KIDINS220: variants seen among roughly 807,000 people sequenced by gnomAD.
The protein encoded by KIDINS220 is kinase D interacting substrate 220.
In KIDINS220, 63 loss-of-function variants were observed where a neutral mutation model predicts 157.6. The observed-to-expected ratio is 0.40, with a 90% CI of 0.33 to 0.49. The LOEUF (loss-of-function observed/expected upper bound fraction) is 0.49. Ranked by LOEUF, KIDINS220 falls within the 20% of genes least tolerant of loss-of-function variation. The pLI is 0.66. For synonymous variants in KIDINS220, 732 were observed against 783.6 expected (o/e 0.93, Z 1.10); for missense variants, 1,772 against 2,171.2 (o/e 0.82, Z 3.65).
At chr2:8,754,128 G>T (rs569432083) in intron 22 of KIDINS220, among the ~76,000 whole-genome samples, 1 of 152,182 alleles carries the variant, frequency 6.6e-6, no homozygotes, top group Non-Finnish European at 1.5e-5. Flanking sequence ...AAGCTAGAAA[G>T]ATTTAGATAA....
At chr2:8,800,371 G>A (rs778667677) in intron 9 of KIDINS220, 29 bp downstream of exon 9, 2 of 1,408,288 alleles carry the variant, frequency 1.4e-6, no homozygotes, top group Admixed American at 1.9e-5. Context: ...TATACTCTAA[G>A]ATAGCAACTG....
intron 1 of KIDINS220, among the ~76,000 whole-genome samples, chr2:8,829,703 T>C (rs993766270): frequency 5.3e-5 from 8 of 152,068 alleles, no homozygotes; most frequent in Non-Finnish European, 1.2e-4. Flanking sequence ...ATACTGGAAA[T>C]AAAAAAAGAA....
intron 22 of KIDINS220, among the ~76,000 whole-genome samples, chr2:8,767,889 A>G (rs78006553): frequency 2.2e-3 from 336 of 152,360 alleles, no homozygotes; most frequent in African/African-American, 7.9e-3. Flanking sequence ...TGCTACTTCA[A>G]TGAAATGGAA....
intron 14 of KIDINS220, 143 bp from the exon 15 acceptor site, chr2:8,788,955 G>T (rs1242738454): frequency 6.1e-6 from 4 of 660,820 alleles, no homozygotes. Context: ...ACTCCTCAAA[G>T]AATTCCATTA....
intron 21 of KIDINS220, among the ~76,000 whole-genome samples, chr2:8,771,895 G>C (rs1670287667): frequency 6.6e-6 from 1 of 151,836 alleles, no homozygotes; most frequent in Admixed American, 6.6e-5. Flanking sequence ...AGTGCTGTGT[G>C]AAAAGAGAAA....
chr2:8,830,125 A>G (rs1679395765), intron 1 of KIDINS220, among the ~76,000 whole-genome samples: 1 of 152,188 alleles, frequency 6.6e-6, no homozygotes, highest in Non-Finnish European at 1.5e-5. Flanking sequence ...CTAAAGTGTG[A>G]GATCACCCAA....
Position 8,731,837 on chromosome 2 carries a change from C to T in KIDINS220, c.4199G>A (p.Gly1400Asp). Residue 1400 changes from glycine (G) to aspartate (D), a missense_variant, in exon 30 of 30, where the codon GGC becomes GAC. Physicochemically the swap from Gly to Asp is moderately conservative, Grantham distance 94 (BLOSUM62 -1). Transcript: ENST00000256707. This position sits in a 1 kb window ranked among gnomAD's most constrained non-coding sequence, Gnocchi z 5.2. Reference protein sequence around the residue: ...YIAQMSQLEGGPGSTTISGRS... With the variant: ...YIAQMSQLEGDPGSTTISGRS... ...GCCACTAATGGTTGTAGACCCGGGGCCCCCTTCTAACTGGGACATCTGAGC... is the reference window on the plus strand; with the variant it reads ...GCCACTAATGGTTGTAGACCCGGGGTCCCCTTCTAACTGGGACATCTGAGC... 6.2e-7 allele frequency: 1 copy of T among 1,614,102 alleles called. No homozygotes were observed. Among genetic ancestry groups the T allele is most frequent in the Non-Finnish European group, 8.5e-7 (1 of 1,180,014 alleles).
intron 22 of KIDINS220, among the ~76,000 whole-genome samples, chr2:8,766,008 C>T (rs1233610417): frequency 6.6e-6 from 1 of 152,098 alleles, no homozygotes; most frequent in Non-Finnish European, 1.5e-5. Flanking sequence ...AATCAACAGG[C>T]TTCCCTAACT....
chr2:8,836,493 C>T (rs766145935), intron 1 of KIDINS220, among the ~76,000 whole-genome samples: 1 of 152,224 alleles, frequency 6.6e-6, no homozygotes, highest in Non-Finnish European at 1.5e-5. Flanking sequence ...CCTTGAGCTC[C>T]TCCCCGGGAG....
chr2:8,820,171 G>C (rs938170613), intron 2 of KIDINS220, among the ~76,000 whole-genome samples: 1 of 152,002 alleles, frequency 6.6e-6, no homozygotes, highest in Admixed American at 6.6e-5. Flanking sequence ...TGCCACCCCC[G>C]GCCTCAACGT....
At chr2:8,746,999 T>G in intron 26 of KIDINS220, 146 bp downstream of exon 26, 1 of 599,694 alleles carries the variant, frequency 1.7e-6, no homozygotes, top group East Asian at 2.8e-5. Context: ...GAACCATAAT[T>G]ATTAGCATTC....
At chr2:8,756,959 A>C (rs373239797) in intron 22 of KIDINS220, among the ~76,000 whole-genome samples, 6 of 152,210 alleles carry the variant, frequency 3.9e-5, no homozygotes, top group Non-Finnish European at 5.9e-5. Flanking sequence ...AAGTCAGTAA[A>C]GTTAACCACT....
At chr2:8,763,592 G>C (rs1669063627) in intron 22 of KIDINS220, among the ~76,000 whole-genome samples, 1 of 152,166 alleles carries the variant, frequency 6.6e-6, no homozygotes, top group African/African-American at 2.4e-5. Context: ...ACTGTGCCCT[G>C]CATATAATAA....
At chr2:8,836,456 T>G (rs1265425821) in intron 1 of KIDINS220, among the ~76,000 whole-genome samples, 1 of 152,234 alleles carries the variant, frequency 6.6e-6, no homozygotes, top group Non-Finnish European at 1.5e-5. Flanking sequence ...CCAAAATTAT[T>G]TGGGAAGCTT....
At chr2:8,830,365 T>C (rs1047599958) in intron 1 of KIDINS220, among the ~76,000 whole-genome samples, 2 of 152,140 alleles carry the variant, frequency 1.3e-5, no homozygotes, top group African/African-American at 4.8e-5. Context: ...CTAGACCAAC[T>C]ACTTCTACAC....
chr2:8,796,962 G>T, intron 10 of KIDINS220, 93 bp from the exon 11 acceptor site: 3 of 911,852 alleles, frequency 3.3e-6, no homozygotes, highest in Middle Eastern at 4.3e-4. Flanking sequence ...ATCTGACTCT[G>T]GTAACAGCCT....
chr2:8,788,843 A>G, intron 14 of KIDINS220, 31 bp from the exon 15 acceptor site: 1 of 1,597,110 alleles, frequency 6.3e-7, no homozygotes, highest in African/African-American at 1.3e-5. Context: ...AAGTTATCCA[A>G]AGCAGTCACT....
intron 17 of KIDINS220, among the ~76,000 whole-genome samples, chr2:8,783,929 T>C (rs997474807): frequency 6.6e-6 from 1 of 151,844 alleles, no homozygotes; most frequent in African/African-American, 2.4e-5. Context: ...GAATCAAAAG[T>C]TCATATGAGG....
chr2:8,796,059 C>G (rs547995819), intron 11 of KIDINS220, among the ~76,000 whole-genome samples: 1 of 152,152 alleles, frequency 6.6e-6, no homozygotes, highest in East Asian at 1.9e-4. Context: ...CACATTGACT[C>G]GTGACTCCCT....
Sources: allele counts gnomAD v4.1 joint callset (sites outside exome capture counted in the v4.1 genomes callset), GRCh38; gene constraint gnomAD v4.1.1; non-coding constraint Gnocchi (gnomAD v3.1); transcripts MANE v1.5; gene names NCBI Gene and HGNC (gene_info 2026-07-23, HGNC 2026-07-21).